The following AGBL1 variants were observed in gnomAD, a reference collection of about 807,000 sequenced individuals.
AGBL1 encodes cytosolic carboxypeptidase 4.
A neutral mutation model predicts 118.9 loss-of-function variants in AGBL1; 130 were observed. The ratio of observed to expected loss-of-function variants is 1.09; its 90% CI spans 0.95 to 1.26. The LOEUF is 1.26. AGBL1 is among the 50% of genes most tolerant of loss of function. AGBL1 has a pLI of 0.00. For synonymous variants in AGBL1, 555 were observed against 478.9 expected, an observed-to-expected ratio of 1.16 and a Z score of -2.08; for missense variants, 1,584 against 1,298.1, an observed-to-expected ratio of 1.22 and a Z score of -3.38.
chr15:86,649,598 G>A (rs553504386), intron 21 of AGBL1, among the ~76,000 whole-genome samples: 2 of 152,184 alleles, frequency 1.3e-5, no homozygotes, highest in East Asian at 1.9e-4. Flanking sequence ...GATTAGATTG[G>A]CTGATCATAT....
chr15:86,257,079 CA>C, intron 8 of AGBL1, 61 bp downstream of exon 8: 4 of 1,507,270 alleles, frequency 2.7e-6, no homozygotes, highest in Non-Finnish European at 3.6e-6. Flanking sequence ...CCATGTTTCC[CA>C]GGAACATGGG....
At chr15:86,964,055 GTT>G (rs1491446532) in intron 23 of AGBL1, among the ~76,000 whole-genome samples, 170 of 151,506 alleles carry the variant, frequency 1.1e-3, no homozygotes, top group East Asian at 5.9e-3. Flanking sequence ...GTGTGTGTGT[GTT>G]TGTGTGTGAC....
chr15:86,878,385 G>A (rs967168600), intron 22 of AGBL1, among the ~76,000 whole-genome samples: 5 of 152,120 alleles, frequency 3.3e-5, no homozygotes, highest in Middle Eastern at 3.2e-3. Flanking sequence ...TACAAAAACA[G>A]GCAGTGGGCC....
intron 22 of AGBL1, among the ~76,000 whole-genome samples, chr15:86,728,065 A>G (rs1338251451): frequency 6.6e-6 from 1 of 152,208 alleles, no homozygotes; most frequent in Non-Finnish European, 1.5e-5. Context: ...CAATGAACCT[A>G]TACAAAATGG....
chr15:86,687,648 A>G (rs1486357837), intron 22 of AGBL1, among the ~76,000 whole-genome samples: 1 of 152,198 alleles, frequency 6.6e-6, no homozygotes, highest in Non-Finnish European at 1.5e-5. Context: ...GTGCCATAAG[A>G]GTAAAGCATA....
At chr15:86,862,791 G>A (rs1046094346) in intron 22 of AGBL1, among the ~76,000 whole-genome samples, 2 of 152,164 alleles carry the variant, frequency 1.3e-5, no homozygotes, top group African/African-American at 4.8e-5. Flanking sequence ...AAGCATTTAC[G>A]TAACAGCTAT....
chr15:86,101,977 T>G (rs1443726692), intron 1 of AGBL1, among the ~76,000 whole-genome samples: 1 of 152,140 alleles, frequency 6.6e-6, no homozygotes, highest in Non-Finnish European at 1.5e-5. Context: ...TCTCACATTG[T>G]TAATCATTGT....
At chr15:86,562,787 TG>T (rs1191892947) in intron 21 of AGBL1, among the ~76,000 whole-genome samples, 3 of 152,168 alleles carry the variant, frequency 2.0e-5, no homozygotes, top group Non-Finnish European at 4.4e-5. Context: ...CTTTTTTTGG[TG>T]GATAGGCTAT....
At chr15:86,476,278 A>T (rs2082557766) in intron 18 of AGBL1, among the ~76,000 whole-genome samples, 1 of 152,254 alleles carries the variant, frequency 6.6e-6, no homozygotes, top group South Asian at 2.1e-4. Context: ...TAAAAGACAC[A>T]GACTGGCAAA....
At chr15:86,800,979 CT>C (rs924567978) in intron 22 of AGBL1, among the ~76,000 whole-genome samples, 1 of 151,842 alleles carries the variant, frequency 6.6e-6, no homozygotes, top group Non-Finnish European at 1.5e-5. Context: ...TGTTAGGAAA[CT>C]TTTTTTTAAA....
intron 23 of AGBL1, among the ~76,000 whole-genome samples, chr15:86,964,305 A>G (rs1244790456): frequency 1.3e-5 from 2 of 151,894 alleles, no homozygotes; most frequent in East Asian, 3.9e-4. Flanking sequence ...GTATTGTAGG[A>G]TAATTCTTTG....
intron 22 of AGBL1, among the ~76,000 whole-genome samples, chr15:86,707,816 C>G (rs551232640): frequency 4.6e-5 from 7 of 152,012 alleles, no homozygotes; most frequent in Non-Finnish European, 1.0e-4. Context: ...GCTGAACTTC[C>G]TTTTTCAATG....
chr15:86,236,932 CG>C (rs1261815080), intron 6 of AGBL1, among the ~76,000 whole-genome samples: 1,334 of 9,304 alleles, frequency 0.14, 166 homozygotes, highest in East Asian at 0.28. Flanking sequence ...GATATGTGGG[CG>C]GGGGGGGGCG....
rs563851023 is a variant in AGBL1, at chr15:86,425,540, A to T, written c.2555+27994A>T. Among the ~76,000 whole-genome samples, 230 of 152,274 alleles carry T rather than the reference A, an allele frequency of 1.5e-3. 1 individual carries two copies. The highest frequency in any genetic ancestry group is 5.1e-3 in the African/African-American group (213 of 41,556). ...GTATCCCAGAAGTTAAAGTATAATT[A>T]AAAAAACCCAGCAAAATTCCAGACT... On this transcript the variant is annotated intron_variant, in intron 18 of 22. Transcript: ENST00000614907.
intron 21 of AGBL1, among the ~76,000 whole-genome samples, chr15:86,663,379 T>C (rs2085581458): frequency 6.6e-6 from 1 of 152,194 alleles, no homozygotes; most frequent in Non-Finnish European, 1.5e-5. Context: ...CCTCACTCTG[T>C]GGTCTTAGAA....
chr15:86,319,572 G>A (rs888634355), intron 17 of AGBL1, among the ~76,000 whole-genome samples: 16 of 151,724 alleles, frequency 1.1e-4, no homozygotes, highest in Middle Eastern at 3.4e-3. Context: ...CAATTCTGAC[G>A]TAAATCATGT....
chr15:86,082,278 T>C (rs1895338353), intron 1 of AGBL1, among the ~76,000 whole-genome samples: 1 of 152,238 alleles, frequency 6.6e-6, no homozygotes. Context: ...CTCACATTGT[T>C]TCTGAGAAAG....
chr15:86,255,779 A>T, intron 7 of AGBL1, among the ~76,000 whole-genome samples: 1 of 136,868 alleles, frequency 7.3e-6, no homozygotes, highest in Non-Finnish European at 1.5e-5. Context: ...GAGACTGTCT[A>T]AAAAAAAAAG....
rs1392407428 is a variant in AGBL1, at chr15:86,474,716, T to C, written c.2556-48094T>C. Among the ~76,000 whole-genome samples the C allele has an allele frequency of 2.0e-5, 3 of 152,190 alleles. No homozygotes were observed. In the East Asian group the frequency reaches 5.8e-4, roughly 29 times the overall value. ...CTTAAATGTCCCTGTCTGACAGCTT[T>C]GAAGACAGTAGTGGTTCTCCCAGCA... On this transcript the variant is annotated intron_variant, in intron 18 of 22. Transcript: ENST00000614907.
Sources: allele counts gnomAD v4.1 joint callset (sites outside exome capture counted in the v4.1 genomes callset), GRCh38; gene constraint gnomAD v4.1.1; transcripts MANE v1.5; gene names NCBI Gene and HGNC (gene_info 2026-07-23, HGNC 2026-07-21).